TPH1: variants seen among roughly 807,000 people sequenced by gnomAD.
TPH1 encodes tryptophan 5-hydroxylase 1.
TPH1 carries 37 observed loss-of-function variants against 49.5 expected under a neutral mutation model. The ratio of observed to expected loss-of-function variants is 0.75; its 90% CI spans 0.58 to 0.98. The LOEUF is 0.98. TPH1 is among the 50% of genes least tolerant of loss of function. TPH1 has a pLI of 0.00. For synonymous variants in TPH1, 160 were observed against 182.1 expected (o/e 0.88, Z 0.98); for missense variants, 487 against 523.6 (o/e 0.93, Z 0.68).
rs1253882512 is a variant in TPH1 at position 18,018,930 on chromosome 11, GCT to G, written c.*2059_*2060del. ...CCTTTTTCTACATGTTCTAAGATTT[GCT>G]TTTTTTAATTTCTTTTTTTCTACAT... On this transcript the variant is annotated 3_prime_UTR_variant, in exon 11 of 11. Transcript: ENST00000682019. The G allele has an allele frequency of 6.6e-6, 1 of 150,880 alleles. No homozygotes were observed. Among genetic ancestry groups the G allele is most frequent in the Non-Finnish European group, 1.5e-5 (1 of 67,788 alleles). 9.3% of individuals were successfully genotyped at this position (150,880 alleles called of 1,614,324 possible). A position where few individuals can be genotyped will look rare whatever the true frequency, so the allele number is the denominator to read the frequency against.
chr11:18,040,187 G>C (rs577703310), intron 2 of TPH1, among the ~76,000 whole-genome samples: 1 of 148,364 alleles, frequency 6.7e-6, no homozygotes, highest in Non-Finnish European at 1.5e-5. Context: ...CCCATTTCTC[G>C]AAGTAGCTAT....
At chr11:18,021,313 T>C in intron 10 of TPH1, 148 bp from the exon 11 acceptor site, 1 of 753,748 alleles carries the variant, frequency 1.3e-6, no homozygotes, top group Non-Finnish European at 2.3e-6. Flanking sequence ...TTCTCTACAC[T>C]ACATTTGCAG....
intron 2 of TPH1, among the ~76,000 whole-genome samples, chr11:18,037,191 T>C (rs1044629410): frequency 2.0e-5 from 3 of 151,900 alleles, no homozygotes; most frequent in Non-Finnish European, 4.4e-5. Flanking sequence ...AGACCCTGTC[T>C]CTACAAAAAA....
chr11:18,035,904 G>T, intron 3 of TPH1, 55 bp downstream of exon 3: 1 of 1,381,376 alleles, frequency 7.2e-7, no homozygotes, highest in Non-Finnish European at 1.0e-6. Flanking sequence ...ATATAAGGCT[G>T]GACACACATT....
At chr11:18,044,616 G>C (rs1226580990) in intron 1 of TPH1, among the ~76,000 whole-genome samples, 1 of 151,368 alleles carries the variant, frequency 6.6e-6, no homozygotes, top group East Asian at 1.9e-4. Context: ...AACTTTGCTT[G>C]GTTGACAGAG....
intron 1 of TPH1, among the ~76,000 whole-genome samples, chr11:18,045,047 G>C (rs1001400585): frequency 6.6e-6 from 1 of 152,136 alleles, no homozygotes; most frequent in South Asian, 2.1e-4. Context: ...AGGTCAAGGC[G>C]TATACAATGA....
intron 6 of TPH1, 68 bp from the exon 7 acceptor site, chr11:18,026,693 T>C (rs1847932012): frequency 5.7e-6 from 9 of 1,590,378 alleles, no homozygotes; most frequent in Non-Finnish European, 7.8e-6. Flanking sequence ...GCATTTTAGT[T>C]CTGCTAGTGG....
chr11:18,033,692 G>A (rs572896157), intron 3 of TPH1, among the ~76,000 whole-genome samples: 17 of 152,196 alleles, frequency 1.1e-4, no homozygotes, highest in African/African-American at 3.9e-4. Flanking sequence ...AACAAAAGCA[G>A]AATAAAGATG....
At chr11:18,034,989 C>G (rs557546855) in intron 3 of TPH1, among the ~76,000 whole-genome samples, 1 of 152,298 alleles carries the variant, frequency 6.6e-6, no homozygotes, top group South Asian at 2.1e-4. Flanking sequence ...GCATTGGATT[C>G]TCATAAGAAG....
At chr11:18,027,713 T>C (rs1174073437) in intron 6 of TPH1, among the ~76,000 whole-genome samples, 4 of 152,210 alleles carry the variant, frequency 2.6e-5, no homozygotes, top group African/African-American at 9.6e-5. Flanking sequence ...CCAAATCTCA[T>C]GCAAATTTGA....
chr11:18,017,658 C>T lies in TPH1; in HGVS notation c.*3333G>A, dbSNP rs1854311599. On this transcript the variant is annotated 3_prime_UTR_variant, in exon 11 of 11. Transcript: ENST00000682019. ...AAAACAAAGATTAGACCAAAATAGA[C>T]CATAGTACCTTAAACACTTCCTATG... The T allele has an allele frequency of 6.6e-6, 1 of 152,090 alleles. No individual in the cohort carries two copies. The highest frequency in any genetic ancestry group is 1.5e-5 in the Non-Finnish European group (1 of 68,012). The allele number at this position is 152,090 out of a possible 1,614,324, so 9.4% of individuals were successfully genotyped here. A position where few individuals can be genotyped will look rare whatever the true frequency, so the allele number is the denominator to read the frequency against.
At chr11:18,021,522 G>A (rs758936100) in intron 10 of TPH1, among the ~76,000 whole-genome samples, 2 of 152,124 alleles carry the variant, frequency 1.3e-5, no homozygotes, top group African/African-American at 2.4e-5. Flanking sequence ...ATCAGTAGAC[G>A]TAAAACTGTT....
At chr11:18,030,245 C>CA (rs3216310) in intron 4 of TPH1, among the ~76,000 whole-genome samples, 51,520 of 151,298 alleles carry the variant, frequency 0.34, 9,496 homozygotes, top group East Asian at 0.47. Flanking sequence ...CCTGTCTGTA[C>CA]AAAAAAAATT....
intron 4 of TPH1, 128 bp from the exon 5 acceptor site, chr11:18,029,707 C>G: frequency 1.4e-6 from 1 of 733,716 alleles, no homozygotes; most frequent in Non-Finnish European, 2.3e-6. Context: ...TATGAGCAAG[C>G]ATTATTTAGA....
At chr11:18,028,127 G>T (rs1403868688) in intron 6 of TPH1, among the ~76,000 whole-genome samples, 2 of 152,110 alleles carry the variant, frequency 1.3e-5, no homozygotes, top group Admixed American at 1.3e-4. Flanking sequence ...GTAAACCCTT[G>T]AAGATAGATC....
Position 18,029,533 on chromosome 11 carries a change from T to C in TPH1, c.449A>G (p.Asp150Gly). 1 of 1,612,984 alleles carries C rather than the reference T, an allele frequency of 6.2e-7. No homozygotes were observed. ...VYRKRRKYFA[D>G]LAMNYKHGDP... ...TTACTGTTTATAGTTCATAGCCAAG[T>C]CCGCAAAATACTTTCGACGTTTACG... Residue 150 changes from aspartate (D) to glycine (G), a missense_variant, in exon 5 of 11, where the codon GAC becomes GGC. Coordinates refer to ENST00000682019, the MANE Select transcript of TPH1 (RefSeq NM_004179.3).
At chr11:18,030,712 A>G (rs1406614789) in intron 4 of TPH1, among the ~76,000 whole-genome samples, 3 of 152,190 alleles carry the variant, frequency 2.0e-5, no homozygotes, top group African/African-American at 7.2e-5. Context: ...GGTTCAGGGA[A>G]GGCTTCCCAG....
chr11:18,018,158 A>G lies in TPH1; in HGVS notation c.*2833T>C, dbSNP rs1303842526. 7.2e-6 allele frequency: 1 copy of G among 138,288 alleles called. No homozygotes were observed. The highest frequency in any genetic ancestry group is 1.6e-5 in the Non-Finnish European group (1 of 63,552). 8.6% of individuals were successfully genotyped at this position (138,288 alleles called of 1,614,324 possible). A position where few individuals can be genotyped will look rare whatever the true frequency, so the allele number is the denominator to read the frequency against. ...ACGCAACTGCGCTCCAGCCTGGGCAACAGAGTGAGACTCTGTCTCAAAAAA... is the reference window on the plus strand; with the variant it reads ...ACGCAACTGCGCTCCAGCCTGGGCAGCAGAGTGAGACTCTGTCTCAAAAAA... On this transcript the variant is annotated 3_prime_UTR_variant, in exon 11 of 11. Transcript: ENST00000682019.
At position 18,026,530 on chromosome 11, in the gene TPH1, A is replaced by G. The variant is rs547013516; in HGVS notation, c.763T>C (p.Tyr255His). 1 of 1,613,998 alleles carries G rather than the reference A, an allele frequency of 6.2e-7. No homozygotes were observed. Among genetic ancestry groups the G allele is most frequent in the East Asian group, 2.2e-5 (1 of 44,872 alleles). Reference sequence around the variant, plus strand: ...AAGGGATCTGAACTGTGTCTCACATATTGAGTGCAGTGAAAAACTCGAAAG... The same window carrying G: ...AAGGGATCTGAACTGTGTCTCACATGTTGAGTGCAGTGAAAAACTCGAAAG... ...LAFRVFHCTQ[Y>H]VRHSSDPFYT... The change falls in exon 7 of 11, where the codon TAT (tyrosine) becomes CAT (histidine). Residue 255 changes from tyrosine to histidine, a missense_variant. Tyr to His is a moderately conservative substitution (Grantham distance 83, BLOSUM62 2). Coordinates refer to ENST00000682019, the MANE Select transcript of TPH1 (RefSeq NM_004179.3).
Sources: allele counts gnomAD v4.1 joint callset (sites outside exome capture counted in the v4.1 genomes callset), GRCh38; gene constraint gnomAD v4.1.1; transcripts MANE v1.5; gene names NCBI Gene and HGNC (gene_info 2026-07-23, HGNC 2026-07-21).